The following NBAS variants were observed in gnomAD, a reference collection of about 807,000 sequenced individuals.
NBAS encodes the protein NAG/BC035112 fusion.
A neutral mutation model predicts 302.5 loss-of-function variants in NBAS; 219 were observed. The ratio of observed to expected loss-of-function variants is 0.72; its 90% CI spans 0.65 to 0.81. NBAS has a LOEUF of 0.81. Among genes scored for constraint, NBAS ranks in the 30% least tolerant of loss-of-function variants. The pLI is 0.00. For missense variants in NBAS, 2,932 were observed against 2,841.6 expected (o/e 1.03, Z -0.72); for synonymous variants, 1,118 against 1,021.6 (o/e 1.09, Z -1.80).
chr2:14,957,347 T>C, the NBAS span, among the ~76,000 whole-genome samples: 1 of 151,932 alleles, frequency 6.6e-6, no homozygotes, highest in South Asian at 2.1e-4. Flanking sequence ...TGCAATGTAA[T>C]TTTTTCGTGA....
At chr2:15,088,113 G>T in the NBAS span, among the ~76,000 whole-genome samples, 2 of 152,172 alleles carry the variant, frequency 1.3e-5, no homozygotes, top group Non-Finnish European at 1.5e-5. Flanking sequence ...AGAAGGAGAG[G>T]CTGGGTGGGC....
chr2:14,873,823 C>T, the NBAS span, among the ~76,000 whole-genome samples: 2 of 147,648 alleles, frequency 1.4e-5, no homozygotes, highest in African/African-American at 5.3e-5. Context: ...TAAGGCAGTA[C>T]TTAAAATATA....
chr2:15,502,576 T>G (rs1661626705), intron 11 of NBAS, among the ~76,000 whole-genome samples: 1 of 152,186 alleles, frequency 6.6e-6, no homozygotes, highest in Admixed American at 6.5e-5. Context: ...CAATGGTAAA[T>G]ATTTGTGTAT....
chr2:15,509,317 T>C (rs1025951997), intron 10 of NBAS, among the ~76,000 whole-genome samples: 2 of 152,166 alleles, frequency 1.3e-5, no homozygotes, highest in Non-Finnish European at 2.9e-5. Flanking sequence ...TTGTGAAATG[T>C]GGCCAATAAT....
intron 9 of NBAS, among the ~76,000 whole-genome samples, chr2:15,514,916 C>T (rs1662316218): frequency 1.3e-5 from 2 of 152,254 alleles, no homozygotes; most frequent in South Asian, 2.1e-4. Context: ...GATTCAGTAT[C>T]TGTTCCCAGC....
chr2:15,467,637 T>C, intron 18 of NBAS, 27 bp downstream of exon 18: 1 of 1,596,626 alleles, frequency 6.3e-7, no homozygotes, highest in Non-Finnish European at 8.6e-7. Context: ...AAAGAAACTA[T>C]CAAATGAACA....
Position 15,461,438 on chromosome 2 carries a change from G to C in NBAS, c.2203-101C>G, listed in dbSNP as rs1012375423. ...AAAACTAACTTTTTTATGCAGCTCTGATATGAAACACCTTGAAATGACCCT... is the reference window on the plus strand; with the variant it reads ...AAAACTAACTTTTTTATGCAGCTCTCATATGAAACACCTTGAAATGACCCT... On this transcript the variant is annotated intron_variant, in intron 20 of 51. Coordinates refer to ENST00000281513, the MANE Select transcript of NBAS (RefSeq NM_015909.4). 13 of 1,238,084 alleles carry C rather than the reference G, an allele frequency of 1.1e-5. No homozygotes were observed. In the African/African-American group the frequency reaches 2.0e-4, roughly 19 times the overall value. The allele number at this position is 1,238,084 out of a possible 1,614,324, so 76.7% of individuals were successfully genotyped here. A position where few individuals can be genotyped will look rare whatever the true frequency, so the allele number is the denominator to read the frequency against.
chr2:15,008,969 C>A, the NBAS span, among the ~76,000 whole-genome samples: 2 of 152,032 alleles, frequency 1.3e-5, no homozygotes, highest in African/African-American at 4.8e-5. Flanking sequence ...TGAGGATTAG[C>A]AAATTAAAGT....
At chr2:15,344,090 T>G (rs1014000876) in intron 35 of NBAS, among the ~76,000 whole-genome samples, 1 of 150,656 alleles carries the variant, frequency 6.6e-6, no homozygotes, top group African/African-American at 2.4e-5. Context: ...TACCATTACA[T>G]TAAGAAAGTA....
chr2:15,538,400 C>T (rs747251728), intron 7 of NBAS: 6 of 421,792 alleles, frequency 1.4e-5, no homozygotes, highest in Admixed American at 9.8e-5. Flanking sequence ...TTATCTATAT[C>T]ATTGGTTTTC....
At position 15,434,761 on chromosome 2, in the gene NBAS, G is replaced by A. The variant is rs540013207; in HGVS notation, c.2340-6967C>T. On this transcript the variant is annotated intron_variant, in intron 21 of 51. Transcript: ENST00000281513. ...GTTGCCAGTATTCCATTCAGTGAGG[G>A]GGAATATATATTAAATGTGGTAACA... 1.0e-3 allele frequency among the ~76,000 whole-genome samples: 153 copies of A among 152,188 alleles called. 1 individual carries two copies. The highest frequency in any genetic ancestry group is 2.2e-3 in the Admixed American group (33 of 15,288).
the NBAS span, among the ~76,000 whole-genome samples, chr2:15,006,413 C>G: frequency 6.6e-6 from 1 of 151,938 alleles, no homozygotes; most frequent in African/African-American, 2.4e-5. Flanking sequence ...TACTGTGTCG[C>G]CTCTATTTAA....
downstream of NBAS, among the ~76,000 whole-genome samples, chr2:15,162,403 G>A (rs765807190): frequency 1.3e-5 from 2 of 152,188 alleles, no homozygotes; most frequent in Non-Finnish European, 1.5e-5. Context: ...GCTGGTTTTG[G>A]AAATCTTCGT....
intron 48 of NBAS, among the ~76,000 whole-genome samples, chr2:15,191,949 G>A (rs915676144): frequency 2.0e-5 from 3 of 152,104 alleles, no homozygotes; most frequent in Non-Finnish European, 2.9e-5. Context: ...ATTCTGATCT[G>A]TTTCCTCTGC....
chr2:14,803,642 GTT>G, the NBAS span, among the ~76,000 whole-genome samples: 2 of 151,066 alleles, frequency 1.3e-5, no homozygotes, highest in Admixed American at 6.7e-5. Flanking sequence ...TTTTGTTGTT[GTT>G]TGTTTGTTTG....
intron 35 of NBAS, among the ~76,000 whole-genome samples, chr2:15,344,701 C>A (rs1217948983): frequency 6.6e-6 from 1 of 152,126 alleles, no homozygotes; most frequent in Admixed American, 6.6e-5. Context: ...TGTGCAGAGA[C>A]ACAACAAACA....
At chr2:14,785,499 T>C in the NBAS span, among the ~76,000 whole-genome samples, 1 of 152,208 alleles carries the variant, frequency 6.6e-6, no homozygotes, top group Non-Finnish European at 1.5e-5. Context: ...GTCCCATCAG[T>C]ACTTAATTTA....
chr2:15,190,298 A>G lies in NBAS; in HGVS notation c.6538T>C (p.Leu2180=). ...CTTTTCATAGGTGGCCAAGCTTGCA[A>G]AAGTAAAACCAAGTGCTGAAATTCA... ...EAEFQHLVLL[L]QAWPPMKSEY... is the part of the protein sequence containing the mutation. The change falls in exon 49 of 52, where the codon TTG becomes CTG. Residue 2180 remains leucine, a synonymous_variant. Coordinates refer to ENST00000281513, the MANE Select transcript of NBAS (RefSeq NM_015909.4). 1.2e-6 allele frequency: 2 copies of G among 1,614,018 alleles called. No individual in the cohort carries two copies. Among genetic ancestry groups the G allele is most frequent in the Non-Finnish European group, 1.7e-6 (2 of 1,179,918 alleles).
intron 48 of NBAS, among the ~76,000 whole-genome samples, chr2:15,210,453 T>C (rs1666354477): frequency 6.6e-6 from 1 of 151,926 alleles, no homozygotes; most frequent in South Asian, 2.1e-4. Context: ...CTGGCTTATA[T>C]CCAAAAGACA....
Sources: allele counts gnomAD v4.1 joint callset (sites outside exome capture counted in the v4.1 genomes callset), GRCh38; gene constraint gnomAD v4.1.1; transcripts MANE v1.5; gene names NCBI Gene and HGNC (gene_info 2026-07-23, HGNC 2026-07-21).